The following ZBTB20 variants were observed in gnomAD, a reference collection of about 807,000 sequenced individuals.
ZBTB20 encodes the protein zinc finger and BTB domain-containing protein 20.
Under a neutral mutation model 56.9 loss-of-function variants are expected in ZBTB20, and 9 were observed. That is an observed-to-expected ratio of 0.16 (90% CI 0.10 to 0.28). The LOEUF (loss-of-function observed/expected upper bound fraction) is 0.28, where lower values mean the gene tolerates loss of function less well. Among genes scored for constraint, ZBTB20 ranks in the 10% least tolerant of loss-of-function variants. The probability of loss-of-function intolerance (pLI) is 1.00; values close to 1 mark genes in which losing one functional copy is unlikely to be tolerated. For missense variants in ZBTB20, 655 were observed against 1,003.0 expected (o/e 0.65, Z 4.69); for synonymous variants, 417 against 420.7 (o/e 0.99, Z 0.11).
At chr3:114,856,359 G>T (rs2075255783) in intron 4 of ZBTB20, among the ~76,000 whole-genome samples, 1 of 152,098 alleles carries the variant, frequency 6.6e-6, no homozygotes, top group South Asian at 2.1e-4. Context: ...TTGAACAGAT[G>T]TTCCCAAGAG....
At chr3:114,444,655 C>G (rs1213295932) in intron 7 of ZBTB20, among the ~76,000 whole-genome samples, 1 of 152,038 alleles carries the variant, frequency 6.6e-6, no homozygotes, top group Non-Finnish European at 1.5e-5. Context: ...TTTAAGTTTT[C>G]TTATTGGCAA....
At chr3:115,122,338 C>T (rs1249475943) in intron 1 of ZBTB20, among the ~76,000 whole-genome samples, 1 of 151,850 alleles carries the variant, frequency 6.6e-6, no homozygotes, top group Non-Finnish European at 1.5e-5. Flanking sequence ...TTGGTTCCTC[C>T]CTATTGACTT....
At chr3:114,803,019 T>C (rs2071831693) in intron 4 of ZBTB20, among the ~76,000 whole-genome samples, 2 of 151,800 alleles carry the variant, frequency 1.3e-5, no homozygotes, top group South Asian at 2.1e-4. Context: ...AGATGGTCAG[T>C]GTACCAATTT....
intron 6 of ZBTB20, among the ~76,000 whole-genome samples, chr3:114,561,403 C>T (rs555932343): frequency 3.9e-4 from 60 of 152,202 alleles, no homozygotes; most frequent in Non-Finnish European, 6.6e-4. Context: ...GTAGCTATAG[C>T]CTTATGAAAT....
At chr3:114,466,702 C>T (rs1403050002) in intron 7 of ZBTB20, among the ~76,000 whole-genome samples, 1 of 152,196 alleles carries the variant, frequency 6.6e-6, no homozygotes, top group Non-Finnish European at 1.5e-5. Flanking sequence ...GCGCAACCAT[C>T]AATACATAAA....
At chr3:114,401,567 A>G (rs917185984) in intron 7 of ZBTB20, among the ~76,000 whole-genome samples, 1 of 152,182 alleles carries the variant, frequency 6.6e-6, no homozygotes, top group Admixed American at 6.5e-5. Flanking sequence ...ACATGGCTGC[A>G]GTGTTCCACC....
chr3:114,760,778 C>T (rs2068376218), intron 5 of ZBTB20, among the ~76,000 whole-genome samples: 1 of 152,146 alleles, frequency 6.6e-6, no homozygotes, highest in African/African-American at 2.4e-5. Context: ...CACACACTGC[C>T]TTTCTGTGTT....
At chr3:115,090,006 G>A (rs1361510828) in intron 1 of ZBTB20, among the ~76,000 whole-genome samples, 2 of 151,782 alleles carry the variant, frequency 1.3e-5, no homozygotes, top group Admixed American at 6.6e-5. Flanking sequence ...AGAAACAAGA[G>A]TAATGATTCT....
intron 1 of ZBTB20, among the ~76,000 whole-genome samples, chr3:115,092,626 G>A (rs1361704855): frequency 6.6e-6 from 1 of 152,074 alleles, no homozygotes; most frequent in Admixed American, 6.6e-5. Context: ...GCTTGCTATT[G>A]GCAAGGCAGT....
chr3:114,789,903 A>C (rs1019672035), intron 5 of ZBTB20, among the ~76,000 whole-genome samples: 10 of 152,130 alleles, frequency 6.6e-5, no homozygotes, highest in African/African-American at 2.2e-4. Context: ...TGTTCCATTT[A>C]AACACTTGTC....
intron 5 of ZBTB20, among the ~76,000 whole-genome samples, chr3:114,750,342 A>C (rs2108645664): frequency 6.6e-6 from 1 of 152,302 alleles, no homozygotes; most frequent in African/African-American, 2.4e-5. Context: ...TGGGAGAGTA[A>C]AGAGCAACAC....
intron 6 of ZBTB20, among the ~76,000 whole-genome samples, chr3:114,546,409 G>T (rs911253849): frequency 7.9e-5 from 12 of 152,078 alleles, no homozygotes; most frequent in African/African-American, 2.4e-4. Flanking sequence ...TCTTTACATG[G>T]TAGAACACAT....
chr3:114,707,953 T>C (rs1241723181), intron 5 of ZBTB20, among the ~76,000 whole-genome samples: 1 of 152,176 alleles, frequency 6.6e-6, no homozygotes. Context: ...TCATGGTACT[T>C]GGAATTGCAA....
chr3:114,712,613 A>G (rs1467899237), intron 5 of ZBTB20, among the ~76,000 whole-genome samples: 2 of 150,026 alleles, frequency 1.3e-5, no homozygotes, highest in Admixed American at 6.7e-5. Flanking sequence ...AGATCGTGCC[A>G]TTGCACTCCA....
At chr3:115,044,905 G>T (rs1441538394) in intron 2 of ZBTB20, among the ~76,000 whole-genome samples, 1 of 152,170 alleles carries the variant, frequency 6.6e-6, no homozygotes, top group African/African-American at 2.4e-5. Flanking sequence ...TTTGTAGGTG[G>T]TATTGCTATT....
At chr3:114,583,541 C>T (rs1289436829) in intron 6 of ZBTB20, among the ~76,000 whole-genome samples, 1 of 152,046 alleles carries the variant, frequency 6.6e-6, no homozygotes, top group Non-Finnish European at 1.5e-5. Flanking sequence ...AAGAACGTTA[C>T]AGTATGACCT....
intron 2 of ZBTB20, among the ~76,000 whole-genome samples, chr3:115,038,146 A>G (rs550602647): frequency 1.3e-5 from 2 of 152,332 alleles, no homozygotes; most frequent in South Asian, 4.1e-4. Context: ...AAGCCTATTC[A>G]TGATGATAAA....
intron 6 of ZBTB20, among the ~76,000 whole-genome samples, chr3:114,668,499 G>C (rs551512288): frequency 2.6e-5 from 4 of 152,078 alleles, no homozygotes; most frequent in African/African-American, 9.6e-5. Context: ...TTCATTTCCA[G>C]GTTCTGATCC....
At chr3:114,640,954 A>T (rs2107913471) in intron 6 of ZBTB20, among the ~76,000 whole-genome samples, 1 of 152,140 alleles carries the variant, frequency 6.6e-6, no homozygotes, top group African/African-American at 2.4e-5. Flanking sequence ...GAAGTACAAT[A>T]TCTGAAATAA....
Sources: gnomAD v4.1 joint callset for allele counts (sites outside exome capture counted in the v4.1 genomes callset) on GRCh38, gnomAD v4.1.1 for gene constraint, MANE v1.5 for transcripts, NCBI Gene and HGNC (gene_info 2026-07-23, HGNC 2026-07-21) for gene names.